Variants in PDZRN4 observed in about 807,000 individuals in gnomAD.
PDZRN4 encodes PDZ domain-containing RING finger protein 4.
A neutral mutation model predicts 99.0 loss-of-function variants in PDZRN4; 70 were observed. The observed-to-expected ratio is 0.71, with a 90% CI of 0.58 to 0.86. The LOEUF (loss-of-function observed/expected upper bound fraction) is 0.86. Ranked by LOEUF, PDZRN4 falls within the 40% of genes least tolerant of loss-of-function variation. The probability of loss-of-function intolerance (pLI) is 0.00; values close to 1 mark genes in which losing one functional copy is unlikely to be tolerated. For missense variants in PDZRN4, 1,474 were observed against 1,331.2 expected, an observed-to-expected ratio of 1.11 and a Z score of -1.67; for synonymous variants, 551 against 501.6, an observed-to-expected ratio of 1.10 and a Z score of -1.32.
chr12:41,503,728 G>A (rs575612384), intron 3 of PDZRN4, among the ~76,000 whole-genome samples: 30 of 152,112 alleles, frequency 2.0e-4, no homozygotes, highest in African/African-American at 4.3e-4. Context: ...GCCTTGCCTT[G>A]TCTTGGGGAA....
At chr12:41,412,564 T>C (rs1287285862) in intron 3 of PDZRN4, 1 of 152,058 alleles carries the variant, frequency 6.6e-6, no homozygotes, top group African/African-American at 2.4e-5. Context: ...AGATAAATAC[T>C]CAGTAAACAA....
At chr12:41,367,636 A>T (rs1952011227) in intron 3 of PDZRN4, among the ~76,000 whole-genome samples, 1 of 152,092 alleles carries the variant, frequency 6.6e-6, no homozygotes, top group Non-Finnish European at 1.5e-5. Flanking sequence ...ACACTTTCAC[A>T]AGATGAGAGC....
chr12:41,230,529 A>G (rs1365341976), intron 3 of PDZRN4, among the ~76,000 whole-genome samples: 2 of 152,020 alleles, frequency 1.3e-5, no homozygotes, highest in African/African-American at 2.4e-5. Context: ...GCTTCTCTCC[A>G]CTGGCATGTA....
chr12:41,422,569 G>A (rs1004849533), intron 3 of PDZRN4, among the ~76,000 whole-genome samples: 1 of 152,100 alleles, frequency 6.6e-6, no homozygotes, highest in African/African-American at 2.4e-5. Flanking sequence ...GGGAAGCAAG[G>A]ACCTTCTTCA....
Position 41,573,194 on chromosome 12 carries a change from A to C in PDZRN4, c.2415A>C (p.Glu805Asp), listed in dbSNP as rs1351686506. The C allele has an allele frequency of 6.2e-7, 1 of 1,614,132 alleles. No individual in the cohort carries two copies. The highest frequency in any genetic ancestry group is 1.7e-5 in the Admixed American group (1 of 60,006). Residue 805 changes from glutamate to aspartate, a missense_variant, in exon 10 of 10, where the codon GAA becomes GAC. Transcript: ENST00000402685. ...CCACTGAGCAAGGTTGTAGCGCTGA[A>C]AGCAAGGAGAAGGTTTTAGAAGGCA... is the stretch of plus-strand genomic sequence containing the variant. ...AKTTEQGCSAESKEKVLEGSK... is the reference protein window; with the variant it reads ...AKTTEQGCSADSKEKVLEGSK...
At chr12:41,424,751 CT>C (rs1952521311) in intron 3 of PDZRN4, among the ~76,000 whole-genome samples, 2 of 152,162 alleles carry the variant, frequency 1.3e-5, no homozygotes, top group African/African-American at 2.4e-5. Flanking sequence ...AGTGACTTTT[CT>C]CCAGATAGTG....
At chr12:41,222,939 G>C (rs1287643185) in intron 3 of PDZRN4, among the ~76,000 whole-genome samples, 1 of 152,080 alleles carries the variant, frequency 6.6e-6, no homozygotes, top group African/African-American at 2.4e-5. Context: ...TTCTTACCTT[G>C]GCTAGAACTA....
At chr12:41,397,999 C>T (rs755343645) in intron 3 of PDZRN4, among the ~76,000 whole-genome samples, 13 of 151,924 alleles carry the variant, frequency 8.6e-5, no homozygotes, top group African/African-American at 2.7e-4. Context: ...GCCTACAGCC[C>T]GGGGGACCTT....
chr12:41,242,582 A>G (rs557666411), intron 3 of PDZRN4, among the ~76,000 whole-genome samples: 1 of 152,196 alleles, frequency 6.6e-6, no homozygotes, highest in East Asian at 1.9e-4. Flanking sequence ...ACACAAAATT[A>G]TTAAGAACTA....
intron 3 of PDZRN4, among the ~76,000 whole-genome samples, chr12:41,201,430 A>G (rs1950815626): frequency 1.3e-5 from 2 of 151,972 alleles, no homozygotes; most frequent in Non-Finnish European, 2.9e-5. Flanking sequence ...ATTATGATAT[A>G]TATTTATTCT....
chr12:41,291,606 C>T (rs1398086235), intron 3 of PDZRN4, among the ~76,000 whole-genome samples: 1 of 152,088 alleles, frequency 6.6e-6, no homozygotes, highest in Non-Finnish European at 1.5e-5. Flanking sequence ...CCCTTAAACA[C>T]AGTAGGTGCT....
intron 3 of PDZRN4, among the ~76,000 whole-genome samples, chr12:41,263,279 G>A (rs1379676475): frequency 2.6e-5 from 4 of 152,092 alleles, no homozygotes; most frequent in East Asian, 1.9e-4. Context: ...ATAGTTGGGC[G>A]CGGTTGCTCA....
chr12:41,202,618 A>T (rs1190643960), intron 3 of PDZRN4, among the ~76,000 whole-genome samples: 1 of 152,098 alleles, frequency 6.6e-6, no homozygotes, highest in Non-Finnish European at 1.5e-5. Flanking sequence ...CAGTGTTCTT[A>T]AAAAGAATGT....
intron 6 of PDZRN4, among the ~76,000 whole-genome samples, chr12:41,555,097 G>A (rs2120808629): frequency 6.7e-6 from 1 of 149,294 alleles, no homozygotes; most frequent in East Asian, 2.0e-4. Context: ...CAGGCGTGGT[G>A]GCAGGCATCT....
chr12:41,262,715 G>C (rs376431185), intron 3 of PDZRN4, among the ~76,000 whole-genome samples: 1 of 146,880 alleles, frequency 6.8e-6, no homozygotes, highest in Non-Finnish European at 1.5e-5. Context: ...AAAACTCAAG[G>C]GGAAACTAGT....
At chr12:41,566,453 C>T (rs117804561) in intron 8 of PDZRN4, among the ~76,000 whole-genome samples, 1,943 of 152,202 alleles carry the variant, frequency 0.013, 15 homozygotes, top group Middle Eastern at 0.041. Flanking sequence ...TACATTTTTA[C>T]TTGGCATAAT....
chr12:41,468,581 C>T (rs1047831532), intron 3 of PDZRN4, among the ~76,000 whole-genome samples: 8 of 152,168 alleles, frequency 5.3e-5, no homozygotes, highest in Admixed American at 6.5e-5. Context: ...TAAAAATATA[C>T]GTTCTTAGCT....
At chr12:41,483,649 A>G (rs1380137715) in intron 3 of PDZRN4, among the ~76,000 whole-genome samples, 1 of 152,194 alleles carries the variant, frequency 6.6e-6, no homozygotes, top group Non-Finnish European at 1.5e-5. Flanking sequence ...ACATAGACTA[A>G]ATCGACTGTA....
At chr12:41,335,689 G>T (rs1392807320) in intron 3 of PDZRN4, among the ~76,000 whole-genome samples, 2 of 152,044 alleles carry the variant, frequency 1.3e-5, no homozygotes, top group Non-Finnish European at 2.9e-5. Context: ...GTGGACTTCT[G>T]CTCAGTAGTG....
Sources: allele counts gnomAD v4.1 joint callset (sites outside exome capture counted in the v4.1 genomes callset), GRCh38; gene constraint gnomAD v4.1.1; transcripts MANE v1.5; gene names NCBI Gene and HGNC (gene_info 2026-07-23, HGNC 2026-07-21).